Variants in PSG6 observed in about 807,000 individuals in gnomAD.
PSG6 encodes the protein pregnancy specific beta-1-glycoprotein 6.
A neutral mutation model predicts 43.3 loss-of-function variants in PSG6; 51 were observed. That is an observed-to-expected ratio of 1.18 (90% CI 0.94 to 1.49). The LOEUF (loss-of-function observed/expected upper bound fraction) is 1.49. PSG6 is among the 40% of genes most tolerant of loss of function. The pLI is 0.00. For synonymous variants in PSG6, 292 were observed against 197.6 expected (o/e 1.48, Z -4.01); for missense variants, 770 against 522.2 (o/e 1.47, Z -4.62).
At position 42,907,828 on chromosome 19, in the gene PSG6, T is replaced by C; in HGVS notation, c.733A>G (p.Ile245Val). The C allele has an allele frequency of 1.2e-6, 2 of 1,611,640 alleles. No individual in the cohort carries two copies. Among genetic ancestry groups the C allele is most frequent in the African/African-American group, 2.7e-5 (2 of 74,734 alleles). Residue 245 changes from isoleucine to valine, a missense_variant, in exon 4 of 6, where the codon ATC becomes GTC. By Grantham distance (29) the Ile-to-Val change is conservative (BLOSUM62 3). Coordinates refer to ENST00000187910, the MANE Select transcript of PSG6 (RefSeq NM_001031850.4). Reference sequence around the variant, plus strand: ...TTCTCCCTGGGGTTTAAGTTGTTGATGGTGATGTAAGGCATGGGCAGCTTC... The same window carrying C: ...TTCTCCCTGGGGTTTAAGTTGTTGACGGTGATGTAAGGCATGGGCAGCTTC... Reference protein sequence around the residue: ...LPKLPMPYITINNLNPREKKD... With the variant: ...LPKLPMPYITVNNLNPREKKD...
rs543811750 is a variant in PSG6 at position 42,912,816 on chromosome 19, A to G, written c.428-1958T>C. 1.3e-5 allele frequency among the ~76,000 whole-genome samples: 2 copies of G among 151,794 alleles called. 1 individual carries two copies. The highest frequency in any genetic ancestry group is 2.9e-5 in the Non-Finnish European group (2 of 67,900). ...AAGAACTCCAACTTATGAAAACGGC[A>G]TCATCATGAGGAAATAGTTGTATGT... On this transcript the variant is annotated intron_variant, in intron 2 of 5. Transcript: ENST00000187910.
At chr19:42,913,636 G>A (rs907165812) in intron 2 of PSG6, among the ~76,000 whole-genome samples, 1 of 151,764 alleles carries the variant, frequency 6.6e-6, no homozygotes, top group Non-Finnish European at 1.5e-5. Flanking sequence ...GGTGAAATGA[G>A]CCTATGGGCT....
At chr19:42,909,676 A>G (rs1341961253) in intron 3 of PSG6, 3 of 151,660 alleles carry the variant, frequency 2.0e-5, no homozygotes, top group Non-Finnish European at 4.4e-5. Flanking sequence ...TTTGATGTTA[A>G]TGTGAATTGA....
At position 42,907,149 on chromosome 19, in the gene PSG6, G is replaced by C; in HGVS notation, c.1013C>G (p.Pro338Arg). ...TCCTGAACGGTAATAGGTGAATGAA[G>C]GGTAAATTCTGGGGAGGTCTGGACC... Reference protein sequence around the residue: ...LYGPDLPRIYPSFTYYRSGEN... With the variant: ...LYGPDLPRIYRSFTYYRSGEN... Residue 338 changes from proline to arginine, a missense_variant, in exon 5 of 6, where the codon CCT becomes CGT. Transcript: ENST00000187910. 1 of 1,612,680 alleles carries C rather than the reference G, an allele frequency of 6.2e-7. No homozygotes were observed. Among genetic ancestry groups the C allele is most frequent in the Non-Finnish European group, 8.5e-7 (1 of 1,179,250 alleles).
At position 42,910,573 on chromosome 19, in the gene PSG6, T is replaced by G. The variant is rs1404222038; in HGVS notation, c.706+7A>C. The G allele has an allele frequency of 3.7e-6, 6 of 1,612,532 alleles. No homozygotes were observed. The highest frequency in any genetic ancestry group is 5.1e-6 in the Non-Finnish European group (6 of 1,179,262). ...GCCTGGCTCACAGAGGAACAGAAGA[T>G]ACTCACGGAGGAGATTCAGGGTGAC... is the stretch of plus-strand genomic sequence containing the variant. On this transcript the variant is annotated splice_region_variant and intron_variant, in intron 3 of 5. Transcript: ENST00000187910.
chr19:42,914,607 A>G (rs574659376), intron 2 of PSG6, among the ~76,000 whole-genome samples: 33 of 151,424 alleles, frequency 2.2e-4, no homozygotes, highest in Non-Finnish European at 4.3e-4. Context: ...TTTAGGGTCA[A>G]GAGGTAGTGG....
Position 42,903,577 on chromosome 19 carries a change from A to G in PSG6, c.1241-1131T>C. 2.1e-6 allele frequency: 3 copies of G among 1,422,318 alleles called. 1 individual carries two copies. The highest frequency in any genetic ancestry group is 5.2e-4 in the Middle Eastern group (2 of 3,842). The allele number at this position is 1,422,318 out of a possible 1,614,324, so 88.1% of individuals were successfully genotyped here. On this transcript the variant is annotated intron_variant, in intron 5 of 5. Transcript: ENST00000187910. ...ATTGGCTAAGAAAAAAAGAGAAAAGATAAAATTACTCAAATCATAAATGAA... is the reference window on the plus strand; with the variant it reads ...ATTGGCTAAGAAAAAAAGAGAAAAGGTAAAATTACTCAAATCATAAATGAA...
Position 42,917,818 on chromosome 19 carries a change from C to T in PSG6, c.-26G>A, listed in dbSNP as rs772075971. 61 of 1,603,610 alleles carry T rather than the reference C, an allele frequency of 3.8e-5. 1 individual carries two copies. Among genetic ancestry groups the T allele is most frequent in the South Asian group, 1.7e-4 (15 of 89,850 alleles). On this transcript the variant is annotated 5_prime_UTR_variant, in exon 1 of 6. Transcript: ENST00000187910. ...GGTCTCTGCTGTCTGTGTGTTCTCC[C>T]CTGTGGAGATGAGCCTAGGATCCAG...
chr19:42,907,990 G>C (rs1349514746), intron 3 of PSG6, 136 bp from the exon 4 acceptor site: 3 of 1,338,368 alleles, frequency 2.2e-6, no homozygotes, highest in African/African-American at 2.9e-5. Context: ...TGTGTCACAA[G>C]ACAGATGTAT....
intron 5 of PSG6, chr19:42,903,724 A>AC: frequency 6.7e-7 from 1 of 1,481,830 alleles, no homozygotes; most frequent in South Asian, 1.4e-5. Context: ...TGCTGTCTCT[A>AC]CAAAAAAAAA....
intron 2 of PSG6, among the ~76,000 whole-genome samples, chr19:42,911,500 G>A (rs1972224978): frequency 6.6e-6 from 1 of 151,580 alleles, no homozygotes; most frequent in African/African-American, 2.4e-5. Context: ...TCTAAAGATA[G>A]AGCAGAGTCC....
At position 42,907,755 on chromosome 19, in the gene PSG6, G is replaced by A; in HGVS notation, c.806C>T (p.Thr269Ile). 1.2e-6 allele frequency: 2 copies of A among 1,610,842 alleles called. No homozygotes were observed. The highest frequency in any genetic ancestry group is 1.7e-6 in the Non-Finnish European group (2 of 1,179,094). ...FTCEPKSRNY[T>I]YIWWLNGQSL... Reference sequence around the variant, plus strand: ...CTGACCATTTAGCCACCAAATGTAGGTGTAGTTCCGACTCTTAGGTTCACA... The same window carrying A: ...CTGACCATTTAGCCACCAAATGTAGATGTAGTTCCGACTCTTAGGTTCACA... The change falls in exon 4 of 6, where the codon ACC (threonine) becomes ATC (isoleucine). Residue 269 changes from threonine to isoleucine, a missense_variant. Physicochemically the swap from Thr to Ile is moderately conservative, Grantham distance 89. Coordinates refer to ENST00000187910, the MANE Select transcript of PSG6 (RefSeq NM_001031850.4).
intron 1 of PSG6, among the ~76,000 whole-genome samples, chr19:42,916,717 A>G (rs967527686): frequency 6.7e-6 from 1 of 149,684 alleles, no homozygotes; most frequent in Middle Eastern, 3.4e-3. Context: ...TTCCTTCAAC[A>G]CTCCTGACCT....
chr19:42,916,613 AACAC>A lies in PSG6; in HGVS notation c.65-130_65-127del, dbSNP rs957536201. On this transcript the variant is annotated intron_variant, in intron 1 of 5. Coordinates refer to ENST00000187910, the MANE Select transcript of PSG6 (RefSeq NM_001031850.4). The stretch of plus-strand genomic sequence containing the variant: ...GAAGATATGCACACACACACATACA[AACAC>A]ACACACACAAAAGGGCATGTGTGTT... The A allele has an allele frequency of 3.6e-5, 48 of 1,333,734 alleles. 2 individuals carry two copies. The highest frequency in any genetic ancestry group is 4.6e-5 in the Non-Finnish European group (45 of 970,710). The allele number at this position is 1,333,734 out of a possible 1,614,324, so 82.6% of individuals were successfully genotyped here. A position where few individuals can be genotyped will look rare whatever the true frequency, so the allele number is the denominator to read the frequency against.
At chr19:42,912,036 C>A (rs1330159251) in intron 2 of PSG6, among the ~76,000 whole-genome samples, 1 of 151,644 alleles carries the variant, frequency 6.6e-6, no homozygotes, top group African/African-American at 2.4e-5. Context: ...AAGCTTAAAA[C>A]AAAGTGTTTT....
intron 3 of PSG6, among the ~76,000 whole-genome samples, chr19:42,908,278 C>G (rs1187268449): frequency 1.3e-5 from 2 of 151,726 alleles, no homozygotes; most frequent in African/African-American, 4.8e-5. Context: ...TTTCCAAGGA[C>G]ATTCTAGAGA....
In PSG6 at chr19:42,910,244, A is replaced by C. The variant is rs185533851; in HGVS notation, c.706+336T>G. On this transcript the variant is annotated intron_variant, in intron 3 of 5. Transcript: ENST00000187910. Reference sequence around the variant, plus strand: ...GGGAAAATCCTGGTCTGTGGAAGGGACACAGTCACAGTGACCCTGTGAGCC... The same window carrying C: ...GGGAAAATCCTGGTCTGTGGAAGGGCCACAGTCACAGTGACCCTGTGAGCC... 7.6e-4 allele frequency: 381 copies of C among 501,048 alleles called. 4 individuals carry two copies. The highest frequency in any genetic ancestry group is 6.6e-3 in the African/African-American group (339 of 51,740). 31.0% of individuals were successfully genotyped at this position (501,048 alleles called of 1,614,324 possible).
chr19:42,910,277 A>C, intron 3 of PSG6: 1 of 640,992 alleles, frequency 1.6e-6, no homozygotes, highest in Non-Finnish European at 2.6e-6. Flanking sequence ...GCCAAGTTGC[A>C]ACACTGAAGT....
chr19:42,903,137 C>T (rs10417364), intron 5 of PSG6, among the ~76,000 whole-genome samples: 55,873 of 151,150 alleles, frequency 0.37, 12,236 homozygotes, highest in African/African-American at 0.56. Flanking sequence ...GACTATTTGA[C>T]CTCAAGGCTA....
Sources: gnomAD v4.1 joint callset for allele counts (sites outside exome capture counted in the v4.1 genomes callset) on GRCh38, gnomAD v4.1.1 for gene constraint, MANE v1.5 for transcripts, NCBI Gene and HGNC (gene_info 2026-07-23, HGNC 2026-07-21) for gene names.